OCA2: variants seen among roughly 807,000 people sequenced by gnomAD.
OCA2 encodes P protein.
Under a neutral mutation model 100.2 loss-of-function variants are expected in OCA2, and 77 were observed. The observed-to-expected ratio is 0.77, with a 90% CI of 0.64 to 0.93. The LOEUF (loss-of-function observed/expected upper bound fraction) is 0.93. OCA2 is among the 40% of genes least tolerant of loss of function. OCA2 has a pLI of 0.00. For synonymous variants in OCA2, 432 were observed against 439.2 expected (o/e 0.98, Z 0.21); for missense variants, 1,062 against 1,089.1 (o/e 0.98, Z 0.35).
intron 14 of OCA2, among the ~76,000 whole-genome samples, chr15:27,969,708 C>T (rs1031560083): frequency 6.6e-6 from 1 of 152,180 alleles, no homozygotes; most frequent in African/African-American, 2.4e-5. Context: ...GAGGAACCCT[C>T]AATCAGATCA....
chr15:27,930,684 A>G (rs1481096413), intron 18 of OCA2, among the ~76,000 whole-genome samples: 1 of 120,712 alleles, frequency 8.3e-6, no homozygotes, highest in Non-Finnish European at 1.9e-5. Flanking sequence ...AAAACAGGTC[A>G]GAGACTGCCT....
At chr15:27,894,464 C>T (rs986699488) in intron 19 of OCA2, among the ~76,000 whole-genome samples, 4 of 152,170 alleles carry the variant, frequency 2.6e-5, no homozygotes, top group African/African-American at 4.8e-5. Flanking sequence ...TAGCAGAATT[C>T]GTATAGAGAT....
chr15:27,902,986 C>A (rs2038017280), intron 19 of OCA2, among the ~76,000 whole-genome samples: 1 of 152,220 alleles, frequency 6.6e-6, no homozygotes, highest in Non-Finnish European at 1.5e-5. Context: ...CCCTCGGGAG[C>A]ACCCACAGGG....
intron 15 of OCA2, among the ~76,000 whole-genome samples, chr15:27,959,634 C>A (rs146073496): frequency 5.3e-5 from 8 of 152,274 alleles, no homozygotes; most frequent in Non-Finnish European, 7.4e-5. Flanking sequence ...GGTGCCAGCC[C>A]CTGGGTGCGG....
In OCA2 at chr15:28,065,594, T is replaced by G. The variant is rs559342205; in HGVS notation, c.227+16054A>C. Among the ~76,000 whole-genome samples the G allele has an allele frequency of 2.6e-5, 4 of 152,262 alleles. No individual in the cohort carries two copies. In the South Asian group the frequency reaches 8.3e-4, roughly 32 times the overall value. On this transcript the variant is annotated intron_variant, in intron 2 of 23. Transcript: ENST00000354638. ...TGGTTCTAAGAGTTTCTGCTTGTTT[T>G]CAACGTTTCTGGGGGTCGAATAAGA...
chr15:27,875,907 C>G (rs2036771184), intron 19 of OCA2, among the ~76,000 whole-genome samples: 1 of 151,886 alleles, frequency 6.6e-6, no homozygotes, highest in African/African-American at 2.4e-5. Flanking sequence ...GCTGGTAGTA[C>G]TGGATTTTTT....
At chr15:27,889,323 A>T (rs1005203160) in intron 19 of OCA2, among the ~76,000 whole-genome samples, 5 of 152,156 alleles carry the variant, frequency 3.3e-5, no homozygotes, top group African/African-American at 1.2e-4. Context: ...ATGTAGTAGG[A>T]TAATGTGGGA....
At chr15:27,802,905 T>C (rs1489465103) in intron 23 of OCA2, among the ~76,000 whole-genome samples, 1 of 152,124 alleles carries the variant, frequency 6.6e-6, no homozygotes, top group Non-Finnish European at 1.5e-5. Context: ...AACAAGTGGA[T>C]TAAATGGACT....
chr15:27,781,099 T>C (rs2032516902), intron 23 of OCA2, among the ~76,000 whole-genome samples: 1 of 152,202 alleles, frequency 6.6e-6, no homozygotes, highest in Non-Finnish European at 1.5e-5. Context: ...AGGATTAGAG[T>C]CTGCTGCCTA....
chr15:27,940,964 A>T (rs941910345), intron 18 of OCA2, among the ~76,000 whole-genome samples: 7 of 152,338 alleles, frequency 4.6e-5, no homozygotes, highest in Admixed American at 3.3e-4. Context: ...AAGCAAGTGA[A>T]AATGTTGACA....
chr15:28,018,447 C>T lies in OCA2; in HGVS notation c.757G>A (p.Glu253Lys), dbSNP rs1566803455. ...RPGREEHIVV[E>K]LTQADALGSR... ...CCCAAAGCGTCAGCCTGGGTCAGCT[C>T]CACCACGATGTGCTCTTCCCTCCCA... The change falls in exon 7 of 24, where the codon GAG (glutamate) becomes AAG (lysine). Residue 253 changes from glutamate to lysine, a missense_variant. Physicochemically the swap from Glu to Lys is moderately conservative, Grantham distance 56. Coordinates refer to ENST00000354638, the MANE Select transcript of OCA2 (RefSeq NM_000275.3). 6.2e-7 allele frequency: 1 copy of T among 1,614,116 alleles called. No homozygotes were observed. Among genetic ancestry groups the T allele is most frequent in the East Asian group, 2.2e-5 (1 of 44,882 alleles).
At position 27,870,955 on chromosome 15, in the gene OCA2, A is replaced by AG. The variant is rs111703140; in HGVS notation, c.2244+198dup. 0.016 allele frequency among the ~76,000 whole-genome samples: 2,384 copies of AG among 152,182 alleles called. 54 individuals carry two copies. The highest frequency in any genetic ancestry group is 0.05 in the African/African-American group (2,088 of 41,520). ...GACGTGCTGTCCACGGCAGCTGCAG[A>AG]GCCTCGGCTCCCAGCCTGCAGTCTG... On this transcript the variant is annotated intron_variant, in intron 21 of 23. Coordinates refer to ENST00000354638, the MANE Select transcript of OCA2 (RefSeq NM_000275.3).
chr15:27,828,220 C>T (rs753405918), intron 23 of OCA2, among the ~76,000 whole-genome samples: 1 of 152,188 alleles, frequency 6.6e-6, no homozygotes, highest in African/African-American at 2.4e-5. Context: ...GTGCTGAAGT[C>T]GCCCTCTTTG....
At chr15:28,026,850 A>G (rs1282482163) in intron 4 of OCA2, among the ~76,000 whole-genome samples, 2 of 152,202 alleles carry the variant, frequency 1.3e-5, no homozygotes, top group African/African-American at 2.4e-5. Flanking sequence ...GGTGACGCTA[A>G]TATTTGATGA....
chr15:27,903,016 A>G (rs989157214), intron 19 of OCA2, among the ~76,000 whole-genome samples: 3 of 152,280 alleles, frequency 2.0e-5, no homozygotes, highest in African/African-American at 7.2e-5. Context: ...CAGGGAGGCC[A>G]CGAGGGGCAG....
Position 28,031,615 on chromosome 15 carries a change from C to T in OCA2, c.326+450G>A, listed in dbSNP as rs545817485. On this transcript the variant is annotated intron_variant, in intron 3 of 23. Coordinates refer to ENST00000354638, the MANE Select transcript of OCA2 (RefSeq NM_000275.3). The stretch of plus-strand genomic sequence containing the variant: ...ACACATATACAGGGTTTCTCAACTT[C>T]GTCACTACTGACATTTGTGCTGGAT... Among the ~76,000 whole-genome samples the T allele has an allele frequency of 9.2e-5, 14 of 152,338 alleles. No individual in the cohort carries two copies. The South Asian group carries it at 2.3e-3, about 25-fold the overall frequency.
chr15:27,736,429 T>C, the OCA2 span, among the ~76,000 whole-genome samples: 1 of 152,158 alleles, frequency 6.6e-6, no homozygotes, highest in Non-Finnish European at 1.5e-5. Flanking sequence ...GACTCTAAGG[T>C]GGCATCTGAA....
intron 15 of OCA2, among the ~76,000 whole-genome samples, chr15:27,960,620 G>C (rs867161254): frequency 3.4e-4 from 48 of 142,542 alleles, no homozygotes; most frequent in Middle Eastern, 3.5e-3. Context: ...ATCTATCTAT[G>C]TATCTATGTA....
At position 27,928,778 on chromosome 15, in the gene OCA2, A is replaced by G. The variant is rs527776718; in HGVS notation, c.1952-2524T>C. 2.0e-5 allele frequency among the ~76,000 whole-genome samples: 3 copies of G among 152,234 alleles called. No homozygotes were observed. In the East Asian group the frequency reaches 5.8e-4, roughly 29 times the overall value. ...AATCTCTCCTGCCTCTTCTTCTGTCACAGCTCTCTAACTGGCTCTTCTATC... is the reference window on the plus strand; with the variant it reads ...AATCTCTCCTGCCTCTTCTTCTGTCGCAGCTCTCTAACTGGCTCTTCTATC... On this transcript the variant is annotated intron_variant, in intron 18 of 23. Coordinates refer to ENST00000354638, the MANE Select transcript of OCA2 (RefSeq NM_000275.3).
Sources: gnomAD v4.1 joint callset for allele counts (sites outside exome capture counted in the v4.1 genomes callset) on GRCh38, gnomAD v4.1.1 for gene constraint, MANE v1.5 for transcripts, NCBI Gene and HGNC (gene_info 2026-07-23, HGNC 2026-07-21) for gene names.